The following BTBD9 variants were observed in gnomAD, a reference collection of about 807,000 sequenced individuals.
BTBD9 encodes BTB domain containing 9.
In BTBD9, 49 loss-of-function variants were observed where a neutral mutation model predicts 64.3. The observed-to-expected ratio is 0.76, with a 90% CI of 0.61 to 0.97. The LOEUF (loss-of-function observed/expected upper bound fraction) is 0.97, where lower values mean the gene tolerates loss of function less well. Among genes scored for constraint, BTBD9 ranks in the 50% least tolerant of loss-of-function variants. The pLI is 0.00. For synonymous variants in BTBD9, 260 were observed against 274.7 expected, an observed-to-expected ratio of 0.95 and a Z score of 0.53; for missense variants, 598 against 762.1, an observed-to-expected ratio of 0.78 and a Z score of 2.53.
chr6:38,416,777 G>A (rs1767686924), intron 6 of BTBD9, among the ~76,000 whole-genome samples: 1 of 152,124 alleles, frequency 6.6e-6, no homozygotes, highest in South Asian at 2.1e-4. Flanking sequence ...AGTCACCAAA[G>A]GGCTCAGCCC....
chr6:38,190,637 T>A (rs922826201), intron 10 of BTBD9, among the ~76,000 whole-genome samples: 3 of 152,184 alleles, frequency 2.0e-5, no homozygotes, highest in African/African-American at 7.2e-5. Flanking sequence ...CCATTTAAAA[T>A]GGCTGGTCCA....
At chr6:38,567,885 C>T (rs892937228) in intron 6 of BTBD9, among the ~76,000 whole-genome samples, 2 of 151,830 alleles carry the variant, frequency 1.3e-5, no homozygotes, top group African/African-American at 2.4e-5. Flanking sequence ...TTCCTTCTAA[C>T]ACTGGCAAAA....
At chr6:38,433,705 G>C (rs1768564401) in intron 6 of BTBD9, among the ~76,000 whole-genome samples, 1 of 151,958 alleles carries the variant, frequency 6.6e-6, no homozygotes, top group African/African-American at 2.4e-5. Context: ...AAGCCTGTTG[G>C]TGGTCTCTTC....
At chr6:38,599,752 A>C (rs998465085) in intron 1 of BTBD9, among the ~76,000 whole-genome samples, 2 of 152,260 alleles carry the variant, frequency 1.3e-5, no homozygotes, top group African/African-American at 4.8e-5. Flanking sequence ...CTGTGACTGC[A>C]ATGGAAGATC....
intron 6 of BTBD9, among the ~76,000 whole-genome samples, chr6:38,487,645 A>G (rs1410317111): frequency 6.6e-6 from 1 of 151,058 alleles, no homozygotes; most frequent in Non-Finnish European, 1.5e-5. Context: ...GAAAGAGGAA[A>G]GGAAAGGAAA....
intron 6 of BTBD9, among the ~76,000 whole-genome samples, chr6:38,458,332 T>C (rs1021131140): frequency 5.3e-5 from 8 of 152,248 alleles, no homozygotes; most frequent in Non-Finnish European, 8.8e-5. Flanking sequence ...GAATATTTTC[T>C]ATTTGATAAT....
At chr6:38,509,644 T>TA (rs919875940) in intron 6 of BTBD9, among the ~76,000 whole-genome samples, 14 of 151,754 alleles carry the variant, frequency 9.2e-5, no homozygotes, top group Admixed American at 4.6e-4. Context: ...GTATAAAATA[T>TA]AAAAAAAAGG....
intron 6 of BTBD9, among the ~76,000 whole-genome samples, chr6:38,446,777 G>C (rs1482636905): frequency 6.6e-6 from 1 of 152,204 alleles, no homozygotes; most frequent in Non-Finnish European, 1.5e-5. Context: ...AGGTCATATA[G>C]TTGAACTTGA....
chr6:38,242,562 T>C (rs77931871), intron 9 of BTBD9, among the ~76,000 whole-genome samples: 160 of 152,368 alleles, frequency 1.1e-3, no homozygotes, highest in Non-Finnish European at 1.9e-3. Flanking sequence ...TCTTGTTTTG[T>C]ATTTTACACT....
chr6:38,177,403 C>T (rs1761321245), intron 10 of BTBD9, among the ~76,000 whole-genome samples: 1 of 152,214 alleles, frequency 6.6e-6, no homozygotes, highest in Non-Finnish European at 1.5e-5. Context: ...CCGCTGCCTG[C>T]CTCCTTCTAC....
intron 8 of BTBD9, among the ~76,000 whole-genome samples, chr6:38,283,012 T>C (rs1205614938): frequency 1.3e-5 from 2 of 152,216 alleles, no homozygotes; most frequent in Admixed American, 6.5e-5. Flanking sequence ...CAATAGTGCC[T>C]AGCACATAGT....
At chr6:38,259,056 T>C (rs2127536862) in intron 8 of BTBD9, among the ~76,000 whole-genome samples, 1 of 152,298 alleles carries the variant, frequency 6.6e-6, no homozygotes, top group African/African-American at 2.4e-5. Flanking sequence ...AAATTACAGA[T>C]ATTGAAAGTG....
At chr6:38,297,181 C>T (rs776039149) in intron 7 of BTBD9, among the ~76,000 whole-genome samples, 8 of 152,210 alleles carry the variant, frequency 5.3e-5, no homozygotes, top group Admixed American at 2.0e-4. Context: ...GCCTGGCTAA[C>T]GTGGTGAAAC....
In BTBD9 at chr6:38,572,376, T is replaced by C. The variant is rs573153912; in HGVS notation, c.1154+5224A>G. ...GCATGCCTAAATTTCCTGTTGTAAG[T>C]GAAAGTAGAACCATTCTAGTGAGAT... is the stretch of plus-strand genomic sequence containing the variant. On this transcript the variant is annotated intron_variant, in intron 6 of 10. Coordinates refer to ENST00000481247, the MANE Select transcript of BTBD9 (RefSeq NM_001099272.2). Among the ~76,000 whole-genome samples, 4 of 152,208 alleles carry C rather than the reference T, an allele frequency of 2.6e-5. No individual in the cohort carries two copies. In the East Asian group the frequency reaches 5.8e-4, roughly 22 times the overall value.
intron 5 of BTBD9, 121 bp from the exon 6 acceptor site, chr6:38,577,840 A>G (rs1776123871): frequency 1.2e-6 from 1 of 867,720 alleles, no homozygotes; most frequent in Admixed American, 2.9e-5. Context: ...CATTTTCTAC[A>G]TAATCAAATT....
At chr6:38,478,005 C>T (rs1295204907) in intron 6 of BTBD9, among the ~76,000 whole-genome samples, 1 of 152,168 alleles carries the variant, frequency 6.6e-6, no homozygotes, top group Non-Finnish European at 1.5e-5. Flanking sequence ...ATTTCTTCAT[C>T]TGTAAGAATG....
intron 6 of BTBD9, among the ~76,000 whole-genome samples, chr6:38,506,199 AGTT>A (rs1210456181): frequency 1.3e-5 from 2 of 152,132 alleles, no homozygotes; most frequent in African/African-American, 4.8e-5. Context: ...TTTTACAATG[AGTT>A]AAGTTCCAAT....
At chr6:38,199,088 G>C (rs936949247) in intron 9 of BTBD9, among the ~76,000 whole-genome samples, 1 of 152,130 alleles carries the variant, frequency 6.6e-6, no homozygotes, top group Admixed American at 6.5e-5. Flanking sequence ...TGCATAGTGG[G>C]GACAACCATC....
At chr6:38,525,053 C>T (rs752573061) in intron 6 of BTBD9, among the ~76,000 whole-genome samples, 16 of 152,140 alleles carry the variant, frequency 1.1e-4, no homozygotes, top group Non-Finnish European at 2.2e-4. Context: ...TATTTTGTCA[C>T]ATGGGGGATA....
Sources: allele counts gnomAD v4.1 joint callset (sites outside exome capture counted in the v4.1 genomes callset), GRCh38; gene constraint gnomAD v4.1.1; transcripts MANE v1.5; gene names NCBI Gene and HGNC (gene_info 2026-07-23, HGNC 2026-07-21).